ZNF385D: variants seen among roughly 807,000 people sequenced by gnomAD.
The protein encoded by ZNF385D is zinc finger protein 659.
Under a neutral mutation model 35.8 loss-of-function variants are expected in ZNF385D, and 15 were observed. The ratio of observed to expected loss-of-function variants is 0.42; its 90% CI spans 0.28 to 0.64. The LOEUF is 0.64. Ranked by LOEUF, ZNF385D falls within the 30% of genes least tolerant of loss-of-function variation. The pLI is 0.23. For synonymous variants in ZNF385D, 212 were observed against 186.8 expected, an observed-to-expected ratio of 1.13 and a Z score of -1.10; for missense variants, 474 against 494.6, an observed-to-expected ratio of 0.96 and a Z score of 0.39.
rs71044975 is a variant in ZNF385D, at chr3:22,127,317, C to CTTTTTTTT, written c.325+41492_325+41499dup. Among the ~76,000 whole-genome samples, 13 of 56,334 alleles carry CTTTTTTTT rather than the reference C, an allele frequency of 2.3e-4. 2 individuals carry two copies. Among genetic ancestry groups the CTTTTTTTT allele is most frequent in the South Asian group, 6.2e-4 (1 of 1,602 alleles). The allele number at this position is 56,334 out of a possible 152,430, so 37.0% of individuals were successfully genotyped here. On this transcript the variant is annotated intron_variant, in intron 3 of 5. Transcript: ENST00000494108. ...TCTGGTAGTATGTTTTCATTTCCTG[C>CTTTTTTTT]TTTTTTTTTTTTTTTTTTTTTTTTT...
intron 4 of ZNF385D, among the ~76,000 whole-genome samples, chr3:21,495,860 C>A (rs866767959): frequency 3.3e-5 from 5 of 151,860 alleles, no homozygotes; most frequent in Admixed American, 3.3e-4. Flanking sequence ...AAATGATAAA[C>A]GAGATATGAC....
chr3:21,637,767 C>T (rs988121472), intron 2 of ZNF385D, among the ~76,000 whole-genome samples: 2 of 152,152 alleles, frequency 1.3e-5, no homozygotes, highest in South Asian at 2.1e-4. Flanking sequence ...TTCCTCCCCA[C>T]GAAACCTAGA....
chr3:22,223,481 T>A (rs1176036942), intron 2 of ZNF385D, among the ~76,000 whole-genome samples: 2 of 152,142 alleles, frequency 1.3e-5, no homozygotes, highest in Non-Finnish European at 2.9e-5. Context: ...GGCTTCAAAT[T>A]TCTTATCTGT....
At chr3:21,449,206 A>G (rs1702321788) in intron 4 of ZNF385D, among the ~76,000 whole-genome samples, 1 of 151,886 alleles carries the variant, frequency 6.6e-6, no homozygotes, top group South Asian at 2.1e-4. Flanking sequence ...CTCAAAATAA[A>G]TCTGTGTTAT....
intron 2 of ZNF385D, among the ~76,000 whole-genome samples, chr3:21,623,166 C>T (rs1380675238): frequency 6.6e-6 from 1 of 152,008 alleles, no homozygotes; most frequent in African/African-American, 2.4e-5. Flanking sequence ...AAAGCACCTG[C>T]CCCACTGGGT....
Position 21,955,801 on chromosome 3 carries a change from T to A in ZNF385D, c.325+213016A>T, listed in dbSNP as rs543979518. 1.1e-4 allele frequency among the ~76,000 whole-genome samples: 16 copies of A among 152,242 alleles called. No homozygotes were observed. In the East Asian group the frequency reaches 2.9e-3, roughly 28 times the overall value. ...TGTATGCCAATTCCATACTGGCACA[T>A]GCTAAGTACTACTGGTGTGACACAG... is the stretch of plus-strand genomic sequence containing the variant. On this transcript the variant is annotated intron_variant, in intron 3 of 5. Coordinates refer to the ZNF385D transcript ENST00000494108.
At chr3:21,581,399 A>T (rs914255113) in intron 2 of ZNF385D, among the ~76,000 whole-genome samples, 1 of 152,166 alleles carries the variant, frequency 6.6e-6, no homozygotes, top group Non-Finnish European at 1.5e-5. Flanking sequence ...AGCACCCTAT[A>T]AATTCTAGTG....
intron 2 of ZNF385D, among the ~76,000 whole-genome samples, chr3:22,329,603 GCTCTTTAACTAC>G (rs1172002328): frequency 2.0e-5 from 3 of 151,984 alleles, no homozygotes; most frequent in Non-Finnish European, 4.4e-5. Flanking sequence ...TTTACTAATG[GCTCTTTAACTAC>G]CTCTTCTCCA....
At chr3:21,762,628 T>C (rs1048489375) in intron 3 of ZNF385D, among the ~76,000 whole-genome samples, 3 of 152,202 alleles carry the variant, frequency 2.0e-5, no homozygotes, top group Non-Finnish European at 2.9e-5. Flanking sequence ...TCTCATAATG[T>C]CGGCCTATAA....
rs190632068 is a variant in ZNF385D, at chr3:21,526,760, A to G, written c.277-15737T>C. On this transcript the variant is annotated intron_variant, in intron 3 of 7. Coordinates refer to ENST00000281523, the MANE Select transcript of ZNF385D (RefSeq NM_024697.3). ...TTCACTGGAACAATAGATTTTGAAA[A>G]CAATAGATTTTGGAAAGGAAATAAA... Among the ~76,000 whole-genome samples, 8 of 152,172 alleles carry G rather than the reference A, an allele frequency of 5.3e-5. No individual in the cohort carries two copies. The East Asian group carries it at 1.2e-3, about 22-fold the overall frequency.
chr3:22,331,873 T>C (rs1411203158), intron 2 of ZNF385D, among the ~76,000 whole-genome samples: 1 of 152,184 alleles, frequency 6.6e-6, no homozygotes, highest in African/African-American at 2.4e-5. Flanking sequence ...TTAGGTAATT[T>C]CTATAGTAAC....
chr3:22,163,441 T>C (rs561537386), intron 3 of ZNF385D, among the ~76,000 whole-genome samples: 16 of 152,354 alleles, frequency 1.1e-4, no homozygotes, highest in African/African-American at 3.6e-4. Context: ...GAAGATCATT[T>C]TCCTTAATAA....
At chr3:21,764,963 G>T (rs2070764512) in intron 3 of ZNF385D, among the ~76,000 whole-genome samples, 1 of 152,076 alleles carries the variant, frequency 6.6e-6, no homozygotes, top group African/African-American at 2.4e-5. Flanking sequence ...TGCTTTTAAA[G>T]ATCTTCTAGC....
rs1368967912 is a variant in ZNF385D, at chr3:21,846,700, T to C, written c.326-181672A>G. On this transcript the variant is annotated intron_variant, in intron 3 of 5. Transcript: ENST00000494108. ...GAGTCTGATTCCTAGGAATTAACTA[T>C]CCCCAGCACAAGCCCTAGCTTTAGA... Among the ~76,000 whole-genome samples, 10 of 151,974 alleles carry C rather than the reference T, an allele frequency of 6.6e-5. 1 individual carries two copies. Among genetic ancestry groups the C allele is most frequent in the African/African-American group, 2.2e-4 (9 of 41,506 alleles).
chr3:21,794,416 G>T (rs2125669694), intron 3 of ZNF385D, among the ~76,000 whole-genome samples: 1 of 152,142 alleles, frequency 6.6e-6, no homozygotes, highest in African/African-American at 2.4e-5. Flanking sequence ...AAACACAGTG[G>T]ATTAGAAAGT....
chr3:21,968,334 G>T (rs1026349283), intron 3 of ZNF385D, among the ~76,000 whole-genome samples: 1 of 152,086 alleles, frequency 6.6e-6, no homozygotes, highest in Non-Finnish European at 1.5e-5. Context: ...CGGCAGTCTA[G>T]GCCACAAGGA....
intron 2 of ZNF385D, among the ~76,000 whole-genome samples, chr3:22,270,574 C>T (rs983679425): frequency 3.3e-5 from 5 of 151,928 alleles, no homozygotes; most frequent in African/African-American, 1.2e-4. Context: ...GTGTCATATA[C>T]TTTCCTAGAT....
intron 3 of ZNF385D, among the ~76,000 whole-genome samples, chr3:22,129,200 C>T (rs887404645): frequency 7.9e-5 from 12 of 152,184 alleles, no homozygotes; most frequent in African/African-American, 2.4e-4. Context: ...GTCTCTCTCT[C>T]TCTCTGCTGA....
chr3:21,684,535 C>G (rs1251988118), intron 1 of ZNF385D, among the ~76,000 whole-genome samples: 1 of 150,054 alleles, frequency 6.7e-6, no homozygotes, highest in East Asian at 2.0e-4. Flanking sequence ...CTTTAATAAG[C>G]CCAAATTCAT....
Sources: allele counts gnomAD v4.1 joint callset (sites outside exome capture counted in the v4.1 genomes callset), GRCh38; gene constraint gnomAD v4.1.1; transcripts MANE v1.5; gene names NCBI Gene and HGNC (gene_info 2026-07-23, HGNC 2026-07-21).